The following BAZ2B variants were observed in gnomAD, a reference collection of about 807,000 sequenced individuals.
BAZ2B encodes bromodomain adjacent to zinc finger domain protein 2B.
In BAZ2B, 91 loss-of-function variants were observed where a neutral mutation model predicts 246.0. The observed-to-expected ratio is 0.37, with a 90% confidence interval of 0.31 to 0.44. The LOEUF (loss-of-function observed/expected upper bound fraction) is 0.44. Ranked by LOEUF, BAZ2B falls within the 20% of genes least tolerant of loss-of-function variation. BAZ2B has a pLI of 1.00. For synonymous variants in BAZ2B, 855 were observed against 860.0 expected, an observed-to-expected ratio of 0.99 and a Z score of 0.10; for missense variants, 2,332 against 2,533.7, an observed-to-expected ratio of 0.92 and a Z score of 1.71.
At position 159,413,945 on chromosome 2, in the gene BAZ2B, T is replaced by C. The variant is rs373098926; in HGVS notation, c.2467-1400A>G. ...TCTAAAAGAAAGGAAATGAATATAC[T>C]GAAGAGGTGTCTGCACTCCCATGTT... On this transcript the variant is annotated intron_variant, in intron 13 of 36. Transcript: ENST00000392783. 1.5e-3 allele frequency among the ~76,000 whole-genome samples: 230 copies of C among 152,150 alleles called. 3 individuals carry two copies. The highest frequency in any genetic ancestry group is 2.5e-3 in the Non-Finnish European group (171 of 68,028).
At chr2:159,610,822 A>C (rs1578936657) in intron 1 of BAZ2B, among the ~76,000 whole-genome samples, 1 of 152,128 alleles carries the variant, frequency 6.6e-6, no homozygotes, top group African/African-American at 2.4e-5. Context: ...TGTGGAATAA[A>C]AACTATATTT....
chr2:159,608,364 G>A (rs551524509), intron 1 of BAZ2B, among the ~76,000 whole-genome samples: 3 of 152,302 alleles, frequency 2.0e-5, no homozygotes, highest in Admixed American at 2.0e-4. Flanking sequence ...AACAGAGTGA[G>A]ACCCTGTCTC....
chr2:159,454,979 C>G (rs571190434), intron 3 of BAZ2B, among the ~76,000 whole-genome samples: 1 of 152,182 alleles, frequency 6.6e-6, no homozygotes, highest in East Asian at 1.9e-4. Context: ...GAAATCTTCC[C>G]TTTACTTCCA....
At chr2:159,564,344 A>G (rs1404265172) in intron 1 of BAZ2B, among the ~76,000 whole-genome samples, 3 of 152,150 alleles carry the variant, frequency 2.0e-5, no homozygotes, top group Non-Finnish European at 4.4e-5. Flanking sequence ...TCTAGATGTT[A>G]TTCTACATGT....
chr2:159,654,580 T>C, the BAZ2B span, among the ~76,000 whole-genome samples: 2 of 152,082 alleles, frequency 1.3e-5, no homozygotes, highest in African/African-American at 4.8e-5. Context: ...AGTGAGGAAG[T>C]ATAAGTTTTC....
intron 20 of BAZ2B, among the ~76,000 whole-genome samples, chr2:159,392,765 A>C (rs2063505482): frequency 6.6e-6 from 1 of 152,192 alleles, no homozygotes; most frequent in Non-Finnish European, 1.5e-5. Context: ...TTGCTGAATG[A>C]TTAATTCTTC....
the BAZ2B span, among the ~76,000 whole-genome samples, chr2:159,692,211 G>A: frequency 6.6e-6 from 1 of 151,850 alleles, no homozygotes; most frequent in South Asian, 2.1e-4. Context: ...CTAGAGTGCA[G>A]TGGCACAATC....
chr2:159,555,007 T>C (rs2088874021), intron 2 of BAZ2B, among the ~76,000 whole-genome samples: 1 of 151,968 alleles, frequency 6.6e-6, no homozygotes, highest in African/African-American at 2.4e-5. Flanking sequence ...ATAAAAAATT[T>C]AAGCAAGATG....
chr2:159,433,026 G>C lies in BAZ2B; in HGVS notation c.1631C>G (p.Thr544Ser). The C allele has an allele frequency of 1.2e-6, 2 of 1,614,176 alleles. No individual in the cohort carries two copies. The highest frequency in any genetic ancestry group is 1.1e-5 in the South Asian group (1 of 91,082). The stretch of plus-strand genomic sequence containing the variant: ...CATTACAGGTGTCTGATTGCCAGGG[G>C]TTCTTCTCCCACTTGTACTCAGATT... ...PVNLSTSGRR[T>S]PGNQTPVMPS... The change falls in exon 9 of 37, where the codon ACC becomes AGC. Residue 544 changes from threonine to serine, a missense_variant. This residue lies in a region of BAZ2B where 651 missense variants were observed against 650.9 expected (regional missense o/e 1.00). Transcript: ENST00000392783.
chr2:159,398,168 A>T (rs1576534942), intron 18 of BAZ2B: 1 of 151,720 alleles, frequency 6.6e-6, no homozygotes, highest in African/African-American at 2.4e-5. Context: ...CAGTAGGCTC[A>T]CCCAGCTACC....
intron 16 of BAZ2B, among the ~76,000 whole-genome samples, chr2:159,404,168 T>C (rs965504401): frequency 1.3e-5 from 2 of 152,184 alleles, no homozygotes; most frequent in African/African-American, 4.8e-5. Flanking sequence ...TCTGCTTTAA[T>C]GTTACCATGA....
intron 1 of BAZ2B, among the ~76,000 whole-genome samples, chr2:159,586,835 A>G (rs1234410498): frequency 6.6e-6 from 1 of 152,164 alleles, no homozygotes; most frequent in Non-Finnish European, 1.5e-5. Context: ...AAATAAATTG[A>G]TGTATAAAAG....
At chr2:159,684,627 G>A in the BAZ2B span, among the ~76,000 whole-genome samples, 1 of 152,108 alleles carries the variant, frequency 6.6e-6, no homozygotes, top group African/African-American at 2.4e-5. Context: ...TCAGTCTCCC[G>A]AGTAGCTGGG....
At chr2:159,626,747 A>G in the BAZ2B span, among the ~76,000 whole-genome samples, 2 of 152,336 alleles carry the variant, frequency 1.3e-5, no homozygotes, top group South Asian at 2.1e-4. Flanking sequence ...CTAACATCAC[A>G]ATTAAAAGAA....
At chr2:159,542,502 C>A (rs1024789520) in intron 2 of BAZ2B, among the ~76,000 whole-genome samples, 4 of 151,938 alleles carry the variant, frequency 2.6e-5, no homozygotes, top group Non-Finnish European at 5.9e-5. Context: ...CCAGGTGTGC[C>A]GGTACATGCC....
At chr2:159,320,489 A>G in intron 36 of BAZ2B, 71 bp from the exon 37 acceptor site, 8 of 1,311,226 alleles carry the variant, frequency 6.1e-6, no homozygotes, top group Non-Finnish European at 8.3e-6. Flanking sequence ...TGAAGAGTTA[A>G]TAAAGGGTAA....
At chr2:159,369,021 C>T (rs2060530195) in intron 27 of BAZ2B, among the ~76,000 whole-genome samples, 1 of 151,886 alleles carries the variant, frequency 6.6e-6, no homozygotes, top group Non-Finnish European at 1.5e-5. Context: ...AAATTAAAAG[C>T]ACAGATGAAG....
intron 2 of BAZ2B, among the ~76,000 whole-genome samples, chr2:159,491,634 T>C (rs1205163979): frequency 7.5e-6 from 1 of 133,484 alleles, no homozygotes; most frequent in African/African-American, 2.8e-5. Context: ...GGCAGGAGAA[T>C]GGCGTGAACC....
chr2:159,691,495 T>A, the BAZ2B span, among the ~76,000 whole-genome samples: 1 of 152,194 alleles, frequency 6.6e-6, no homozygotes, highest in Non-Finnish European at 1.5e-5. Flanking sequence ...TTTACAGTAC[T>A]GTACTGTATT....
Sources: gnomAD v4.1 joint callset for allele counts (sites outside exome capture counted in the v4.1 genomes callset) on GRCh38, gnomAD v4.1.1 for gene constraint, gnomAD v4.1.1 regional missense constraint, MANE v1.5 for transcripts, NCBI Gene and HGNC (gene_info 2026-07-23, HGNC 2026-07-21) for gene names.